PIEZO2: variants seen among roughly 807,000 people sequenced by gnomAD.
The protein encoded by PIEZO2 is piezo-type mechanosensitive ion channel component 2.
A neutral mutation model predicts 337.3 loss-of-function variants in PIEZO2; 172 were observed. That is an observed-to-expected ratio of 0.51 (90% CI 0.45 to 0.58). PIEZO2 has a LOEUF of 0.58. Ranked by LOEUF, PIEZO2 falls within the 20% of genes least tolerant of loss-of-function variation. The probability of loss-of-function intolerance (pLI) is 0.00; values close to 1 mark genes in which losing one functional copy is unlikely to be tolerated. For synonymous variants in PIEZO2, 1,251 were observed against 1,228.5 expected (o/e 1.02, Z -0.38); for missense variants, 3,028 against 3,391.3 (o/e 0.89, Z 2.66).
intron 37 of PIEZO2, among the ~76,000 whole-genome samples, chr18:10,717,911 C>T (rs1363280324): frequency 6.6e-6 from 1 of 152,160 alleles, no homozygotes; most frequent in Non-Finnish European, 1.5e-5. Context: ...TTCCATGGGA[C>T]ATTAAGAATT....
rs2038107651 is a variant in PIEZO2, at chr18:10,761,054, C to A, written c.3307G>T (p.Glu1103Ter). 1 of 1,537,100 alleles carries A rather than the reference C, an allele frequency of 6.5e-7. No homozygotes were observed. Among genetic ancestry groups the A allele is most frequent in the Non-Finnish European group, 8.7e-7 (1 of 1,146,896 alleles). The change falls in exon 24 of 56, where the codon GAA (glutamate) becomes TAA (stop). Residue 1103 changes from glutamate (E) to a stop codon, truncating the protein, a stop_gained. Coordinates refer to ENST00000674853, the MANE Select transcript of PIEZO2 (RefSeq NM_001378183.1). LOFTEE classifies it high-confidence loss of function. ...AFEVTIYRHQEYYRGRNNLTA... is the reference protein window; with the variant it reads ...AFEVTIYRHQ ...AGGTTATTTCGACCTCGATAGTATT[C>A]CTGATGGCGGTAAATGGTGACTTCA...
At chr18:10,914,539 T>G (rs2145093616) in intron 3 of PIEZO2, among the ~76,000 whole-genome samples, 1 of 152,346 alleles carries the variant, frequency 6.6e-6, no homozygotes, top group South Asian at 2.1e-4. Context: ...ATAGTTGTTA[T>G]ATTGTACTGC....
chr18:10,938,181 C>G (rs1361055335), intron 3 of PIEZO2, among the ~76,000 whole-genome samples: 1 of 152,178 alleles, frequency 6.6e-6, no homozygotes. Context: ...CATCTCAGTT[C>G]AGCCCACAGA....
chr18:10,679,131 G>A (rs56972792), intron 52 of PIEZO2, among the ~76,000 whole-genome samples: 2,652 of 151,980 alleles, frequency 0.017, 80 homozygotes, highest in African/African-American at 0.059. Context: ...ACAGAGTTTC[G>A]CCATGTTGGC....
At chr18:10,879,358 T>TTC (rs1468172353) in intron 4 of PIEZO2, among the ~76,000 whole-genome samples, 3 of 151,994 alleles carry the variant, frequency 2.0e-5, no homozygotes, top group Non-Finnish European at 4.4e-5. Context: ...AAACTTCATG[T>TTC]TCTCTCGAAC....
chr18:10,973,630 C>T lies in PIEZO2; in HGVS notation c.286+5905G>A, dbSNP rs1470321168. On this transcript the variant is annotated intron_variant, in intron 3 of 55. Coordinates refer to ENST00000674853, the MANE Select transcript of PIEZO2 (RefSeq NM_001378183.1). The surrounding 1 kb of genome is among the most constrained non-coding windows in gnomAD (Gnocchi z 4.9). ...CAGTTTTTTAAATTGTTGTATTGAG[C>T]GGCAACATCTGCTTTCAGGAAGCTG... Among the ~76,000 whole-genome samples, 3 of 152,078 alleles carry T rather than the reference C, an allele frequency of 2.0e-5. No individual in the cohort carries two copies. Among genetic ancestry groups the T allele is most frequent in the East Asian group, 3.9e-4 (2 of 5,186 alleles).
intron 3 of PIEZO2, among the ~76,000 whole-genome samples, chr18:10,937,531 G>C (rs74457158): frequency 0.011 from 1,715 of 152,230 alleles, 30 homozygotes; most frequent in African/African-American, 0.039. Flanking sequence ...CCTCCGTACA[G>C]AGCTAGTTCA....
chr18:10,756,173 GGGATGA>G (rs2037836736), intron 27 of PIEZO2, among the ~76,000 whole-genome samples: 1 of 149,658 alleles, frequency 6.7e-6, no homozygotes, highest in Admixed American at 6.6e-5. Context: ...AAGAGAAGGA[GGGATGA>G]GGATGAGGCA....
Position 10,677,950 on chromosome 18 carries a change from C to G in PIEZO2, c.7953-75G>C. On this transcript the variant is annotated intron_variant, in intron 52 of 55. Transcript: ENST00000674853. The surrounding 1 kb of genome is among the most constrained non-coding windows in gnomAD (Gnocchi z 4.1). Reference sequence around the variant, plus strand: ...GAAAAGAGATTTACAACATATTTAACTCTTAATTTGATTAATGTCACCACG... The same window carrying G: ...GAAAAGAGATTTACAACATATTTAAGTCTTAATTTGATTAATGTCACCACG... 7.2e-7 allele frequency: 1 copy of G among 1,386,602 alleles called. No individual in the cohort carries two copies. Among genetic ancestry groups the G allele is most frequent in the Non-Finnish European group, 9.6e-7 (1 of 1,040,580 alleles). 85.9% of individuals were successfully genotyped at this position (1,386,602 alleles called of 1,614,324 possible).
intron 4 of PIEZO2, among the ~76,000 whole-genome samples, chr18:10,904,332 TG>T (rs1354658572): frequency 3.0e-4 from 46 of 152,370 alleles, no homozygotes; most frequent in African/African-American, 1.1e-3. Context: ...CGCTTGCTTT[TG>T]CCTCTACTAG....
At chr18:11,060,824 A>C (rs1485617965) in intron 2 of PIEZO2, among the ~76,000 whole-genome samples, 1 of 152,206 alleles carries the variant, frequency 6.6e-6, no homozygotes, top group Non-Finnish European at 1.5e-5. Flanking sequence ...ATTCTACCAG[A>C]GGTACAAGGA....
intron 3 of PIEZO2, among the ~76,000 whole-genome samples, chr18:10,928,322 C>A (rs147202889): frequency 6.6e-6 from 1 of 152,262 alleles, no homozygotes; most frequent in African/African-American, 2.4e-5. Flanking sequence ...TTACCAAAGT[C>A]AAAACAGAGG....
At position 10,828,408 on chromosome 18, in the gene PIEZO2, A is replaced by AT. The variant is rs1300550159; in HGVS notation, c.918-21135dup. On this transcript the variant is annotated intron_variant, in intron 7 of 55. Coordinates refer to ENST00000674853, the MANE Select transcript of PIEZO2 (RefSeq NM_001378183.1). The surrounding 1 kb of genome is among the most constrained non-coding windows in gnomAD (Gnocchi z 4.1). The stretch of plus-strand genomic sequence containing the variant: ...GAGCTGCTGCCCTGAAGAAATTCCT[A>AT]TTTTAACAAAAAGGTTGGGGATTTT... 6.6e-5 allele frequency among the ~76,000 whole-genome samples: 10 copies of AT among 152,234 alleles called. No homozygotes were observed. The East Asian group carries it at 1.7e-3, about 26-fold the overall frequency.
At chr18:10,937,392 T>G (rs2145226632) in intron 3 of PIEZO2, among the ~76,000 whole-genome samples, 1 of 152,266 alleles carries the variant, frequency 6.6e-6, no homozygotes, top group East Asian at 1.9e-4. Context: ...ATCTCACATG[T>G]CCCAGGCCCA....
At chr18:10,747,833 C>T (rs1313086608) in intron 30 of PIEZO2, among the ~76,000 whole-genome samples, 2 of 152,162 alleles carry the variant, frequency 1.3e-5, no homozygotes, top group Non-Finnish European at 2.9e-5. Flanking sequence ...TAATAGAACC[C>T]AGTATCCATC....
chr18:10,856,871 A>C lies in PIEZO2; in HGVS notation c.703+130T>G. On this transcript the variant is annotated intron_variant, in intron 6 of 55. Coordinates refer to ENST00000674853, the MANE Select transcript of PIEZO2 (RefSeq NM_001378183.1). The surrounding 1 kb of genome is among the most constrained non-coding windows in gnomAD (Gnocchi z 4.7). Reference sequence around the variant, plus strand: ...GTTTGTACATGTGGCCAGTTTTACAAGAGCTACAGTTATGATATTCATGTG... The same window carrying C: ...GTTTGTACATGTGGCCAGTTTTACACGAGCTACAGTTATGATATTCATGTG... 3.4e-6 allele frequency: 3 copies of C among 870,852 alleles called. No individual in the cohort carries two copies. Among genetic ancestry groups the C allele is most frequent in the Non-Finnish European group, 5.2e-6 (3 of 576,912 alleles). The allele number at this position is 870,852 out of a possible 1,614,324, so 53.9% of individuals were successfully genotyped here.
At chr18:10,757,240 A>G in intron 27 of PIEZO2, among the ~76,000 whole-genome samples, 1 of 139,776 alleles carries the variant, frequency 7.2e-6, no homozygotes, top group South Asian at 2.6e-4. Context: ...GGAAAGGGGG[A>G]TGAGGATGTG....
rs2036562169 is a variant in PIEZO2, at chr18:10,726,766, C to T, written c.5029+4641G>A. 4.6e-6 allele frequency: 7 copies of T among 1,522,954 alleles called. No individual in the cohort carries two copies. The Middle Eastern group carries it at 5.1e-4, about 112-fold the overall frequency. The allele number at this position is 1,522,954 out of a possible 1,614,324, so 94.3% of individuals were successfully genotyped here. A position where few individuals can be genotyped will look rare whatever the true frequency, so the allele number is the denominator to read the frequency against. On this transcript the variant is annotated intron_variant, in intron 36 of 55. Coordinates refer to ENST00000674853, the MANE Select transcript of PIEZO2 (RefSeq NM_001378183.1). The surrounding 1 kb of genome is among the most constrained non-coding windows in gnomAD (Gnocchi z 5.9). ...CATCGATTTCCCGCTGCTGACCTCA[C>T]TGGGCAAGGTGTCCTATGAGGATGT...
rs964874305 is a variant in PIEZO2, at chr18:10,713,083, T to C, written c.5423+1681A>G. On this transcript the variant is annotated intron_variant, in intron 39 of 55. Transcript: ENST00000674853. This position sits in a 1 kb window ranked among gnomAD's most constrained non-coding sequence, Gnocchi z 4.5. ...AGGGATACACCCATGCACAGTGTTA[T>C]CTGCACGAATATTACTTCTAAATCA... 2.6e-5 allele frequency among the ~76,000 whole-genome samples: 4 copies of C among 152,226 alleles called. No individual in the cohort carries two copies. The highest frequency in any genetic ancestry group is 9.6e-5 in the African/African-American group (4 of 41,458).
Sources: allele counts gnomAD v4.1 joint callset (sites outside exome capture counted in the v4.1 genomes callset), GRCh38; gene constraint gnomAD v4.1.1; non-coding constraint Gnocchi (gnomAD v3.1); transcripts MANE v1.5; gene names NCBI Gene and HGNC (gene_info 2026-07-23, HGNC 2026-07-21).